The following L1TD1 variants were observed in gnomAD, a reference collection of about 807,000 sequenced individuals.
The protein encoded by L1TD1 is LINE1 type transposase domain containing 1.
Under a neutral mutation model 25.7 loss-of-function variants are expected in L1TD1, and 26 were observed. The observed-to-expected ratio is 1.01, with a 90% CI of 0.74 to 1.40. The LOEUF is 1.40. Ranked by LOEUF, L1TD1 falls within the 40% of genes most tolerant of loss-of-function variation. The pLI, the probability that L1TD1 is intolerant of heterozygous loss-of-function variation, is 0.00. For missense variants in L1TD1, 1,130 were observed against 975.0 expected (o/e 1.16, Z -2.12); for synonymous variants, 421 against 335.6 (o/e 1.25, Z -2.78).
At chr1:62,208,059 A>T (rs1397099312) in intron 3 of L1TD1, 1 of 154,968 alleles carries the variant, frequency 6.5e-6, no homozygotes, top group Non-Finnish European at 1.4e-5. Flanking sequence ...GCATGATATT[A>T]AAAGTAATGA....
At position 62,206,196 on chromosome 1, in the gene L1TD1, A is replaced by G. The variant is rs552224114; in HGVS notation, c.-110-323A>G. On this transcript the variant is annotated intron_variant, in intron 2 of 3. Coordinates refer to ENST00000498273, the MANE Select transcript of L1TD1 (RefSeq NM_019079.5). The stretch of plus-strand genomic sequence containing the variant: ...GGTATGATACATATGTTGGTTTCTT[A>G]AAGAATAACATCTATTATAATTAAT... Among the ~76,000 whole-genome samples the G allele has an allele frequency of 2.6e-5, 4 of 152,354 alleles. No homozygotes were observed. The East Asian group carries it at 7.7e-4, about 29-fold the overall frequency.
At chr1:62,201,602 C>A (rs1460470066) in intron 2 of L1TD1, among the ~76,000 whole-genome samples, 1 of 150,086 alleles carries the variant, frequency 6.7e-6, no homozygotes, top group South Asian at 2.1e-4. Context: ...TCTCTTTTTT[C>A]TTTCTTAGTT....
At chr1:62,198,869 GCT>G (rs1381713208) in intron 2 of L1TD1, among the ~76,000 whole-genome samples, 2 of 150,028 alleles carry the variant, frequency 1.3e-5, no homozygotes, top group East Asian at 3.9e-4. Context: ...GCAGGGTCTT[GCT>G]CTGTCACCCA....
intron 2 of L1TD1, among the ~76,000 whole-genome samples, chr1:62,199,613 A>G (rs1670605366): frequency 6.6e-6 from 1 of 152,128 alleles, no homozygotes; most frequent in Non-Finnish European, 1.5e-5. Context: ...TTGTATTCCC[A>G]GCTACTCAGG....
intron 2 of L1TD1, among the ~76,000 whole-genome samples, chr1:62,202,525 A>G (rs1476448888): frequency 1.5e-5 from 2 of 135,422 alleles, no homozygotes; most frequent in Non-Finnish European, 3.2e-5. Flanking sequence ...TGTAACTATC[A>G]TGCTTTTTTC....
intron 2 of L1TD1, among the ~76,000 whole-genome samples, chr1:62,201,866 T>C (rs552549206): frequency 6.6e-6 from 1 of 152,338 alleles, no homozygotes; most frequent in African/African-American, 2.4e-5. Context: ...CTTAGTCTCC[T>C]GAATGAGAGT....
Position 62,210,213 on chromosome 1 carries a change from A to T in L1TD1, c.1439A>T (p.Glu480Val), listed in dbSNP as rs373045440. ...IDSVEDSESE[E>V]EEEGKSSETG... ...TCTGTAGAGGATTCTGAATCAGAGG[A>T]GGAAGAAGAAGGAAAGAGCTCTGAA... The change falls in exon 4 of 4, where the codon GAG (glutamate) becomes GTG (valine). Residue 480 changes from glutamate (E) to valine (V), a missense_variant. Glu to Val is a moderately radical substitution (Grantham distance 121). Transcript: ENST00000498273. 2.8e-5 allele frequency: 45 copies of T among 1,614,014 alleles called. No individual in the cohort carries two copies. The African/African-American group carries it at 5.6e-4, about 20-fold the overall frequency.
chr1:62,206,657 C>T lies in L1TD1; in HGVS notation c.29C>T (p.Ser10Leu). 1.9e-6 allele frequency: 3 copies of T among 1,545,614 alleles called. No individual in the cohort carries two copies. The highest frequency in any genetic ancestry group is 2.8e-5 in the African/African-American group (2 of 72,690). ...TCTGATGTATCTACTAGTGTACAAT[C>T]AAAATTTGCTAGACTTGCAAAGAAA... The part of the protein sequence containing the change: MSDVSTSVQ[S>L]KFARLAKKKE... Residue 10 changes from serine (S) to leucine (L), a missense_variant, in exon 3 of 4, where the codon TCA becomes TTA. Transcript: ENST00000498273.
In L1TD1 at chr1:62,206,777, C is replaced by G; in HGVS notation, c.149C>G (p.Ala50Gly). 1 of 1,564,738 alleles carries G rather than the reference C, an allele frequency of 6.4e-7. No individual in the cohort carries two copies. Among genetic ancestry groups the G allele is most frequent in the Non-Finnish European group, 8.7e-7 (1 of 1,152,904 alleles). Residue 50 changes from alanine (A) to glycine (G), a missense_variant, in exon 3 of 4, where the codon GCA (alanine) becomes GGA (glycine). By Grantham distance (60) the Ala-to-Gly change is moderately conservative (BLOSUM62 0). Transcript: ENST00000498273. ...GATTTAAAATGCAAGGACGTATCAG[C>G]AATTATGAATAAGTTTAAGGTCTTA... ...VLDLKCKDVS[A>G]IMNKFKVLME...
intron 1 of L1TD1, among the ~76,000 whole-genome samples, chr1:62,195,856 T>TG (rs58053290): frequency 0.88 from 134,149 of 151,672 alleles, 59,551 homozygotes; most frequent in African/African-American, 0.95. Flanking sequence ...CTGGCCAACT[T>TG]GGGAAACCCC....
chr1:62,200,773 A>G (rs890274883), intron 2 of L1TD1, among the ~76,000 whole-genome samples: 4 of 152,060 alleles, frequency 2.6e-5, no homozygotes, highest in African/African-American at 9.7e-5. Flanking sequence ...TTTAATAACT[A>G]TTCCTACTTC....
Position 62,209,807 on chromosome 1 carries a change from C to T in L1TD1, c.1033C>T (p.His345Tyr), listed in dbSNP as rs547070165. ...KRDKTLIDSK[H>Y]RAGEITSDGL... ...GGATAAAACCCTAATAGACTCAAAG[C>T]ATAGAGCTGGAGAAATAACCAGTGA... The change falls in exon 4 of 4, where the codon CAT (histidine) becomes TAT (tyrosine). Residue 345 changes from histidine (H) to tyrosine (Y), a missense_variant. His to Tyr is a moderately conservative substitution (Grantham distance 83). Transcript: ENST00000498273. The T allele has an allele frequency of 1.2e-6, 2 of 1,601,880 alleles. No homozygotes were observed. The highest frequency in any genetic ancestry group is 2.7e-5 in the African/African-American group (2 of 74,358).
At chr1:62,198,115 C>T (rs7518470) in intron 2 of L1TD1, among the ~76,000 whole-genome samples, 29,966 of 151,896 alleles carry the variant, frequency 0.2, 3,430 homozygotes, top group Middle Eastern at 0.31. Context: ...AGGAGAGAGA[C>T]GTACTAACTA....
chr1:62,205,437 A>ATTTT lies in L1TD1; in HGVS notation c.-110-1081_-110-1080insTTTT, dbSNP rs1169759217. Among the ~76,000 whole-genome samples the ATTTT allele has an allele frequency of 3.3e-4, 14 of 42,462 alleles. 1 individual carries two copies. Among genetic ancestry groups the ATTTT allele is most frequent in the African/African-American group, 1.1e-3 (12 of 10,820 alleles). 27.9% of individuals were successfully genotyped at this position (42,462 alleles called of 152,430 possible). A position where few individuals can be genotyped will look rare whatever the true frequency, so the allele number is the denominator to read the frequency against. On this transcript the variant is annotated intron_variant, in intron 2 of 3. Coordinates refer to ENST00000498273, the MANE Select transcript of L1TD1 (RefSeq NM_019079.5). ...TCTCTCTATATATATATATATATAT[A>ATTTT]TATATATTTTTTTTTAGACAGTCTT... is the stretch of plus-strand genomic sequence containing the variant.
Position 62,210,070 on chromosome 1 carries a change from AGAG to A in L1TD1, c.1302_1304del (p.Glu437del). On this transcript the variant is annotated inframe_deletion, in exon 4 of 4. Coordinates refer to ENST00000498273, the MANE Select transcript of L1TD1 (RefSeq NM_019079.5). ...TGGAGGAGGATGAGGCCTCAGGGCT[AGAG>A]GAGGAAGAGGAACAGACTTCAGAAC... 1 of 1,613,782 alleles carries A rather than the reference AGAG, an allele frequency of 6.2e-7. No individual in the cohort carries two copies. Among genetic ancestry groups the A allele is most frequent in the Non-Finnish European group, 8.5e-7 (1 of 1,179,814 alleles).
At chr1:62,196,247 C>T (rs751984374) in intron 1 of L1TD1, among the ~76,000 whole-genome samples, 188 bp from the exon 2 acceptor site, 2 of 152,166 alleles carry the variant, frequency 1.3e-5, no homozygotes, top group Non-Finnish European at 2.9e-5. Context: ...CTCAGATCCA[C>T]CTCTGGGTCC....
At chr1:62,208,406 T>G (rs1557446001) in intron 3 of L1TD1, 1 of 152,242 alleles carries the variant, frequency 6.6e-6, no homozygotes, top group Non-Finnish European at 1.5e-5. Context: ...CTTGTTGCCC[T>G]TGTTGAGACC....
chr1:62,210,646 C>T lies in L1TD1; in HGVS notation c.1872C>T (p.Ser624=). The part of the protein sequence containing the change: ...EENLRSSVIN[S]IREIKEEIGN... ...ACTTGAGAAGTAGTGTGATTAATAG[C>T]ATCAGAGAGATAAAAGAGGAGATTG... The change falls in exon 4 of 4, where the codon AGC becomes AGT. Residue 624 remains serine (S), a synonymous_variant. Transcript: ENST00000498273. 2 of 1,574,706 alleles carry T rather than the reference C, an allele frequency of 1.3e-6. No homozygotes were observed. The highest frequency in any genetic ancestry group is 8.6e-7 in the Non-Finnish European group (1 of 1,159,512).
At chr1:62,195,969 G>T (rs1670528937) in intron 1 of L1TD1, among the ~76,000 whole-genome samples, 2 of 152,070 alleles carry the variant, frequency 1.3e-5, no homozygotes, top group Admixed American at 1.3e-4. Context: ...CCGGGGAGGC[G>T]GAGGTTGCAG....
Sources: gnomAD v4.1 joint callset for allele counts (sites outside exome capture counted in the v4.1 genomes callset) on GRCh38, gnomAD v4.1.1 for gene constraint, MANE v1.5 for transcripts, NCBI Gene and HGNC (gene_info 2026-07-23, HGNC 2026-07-21) for gene names.